Variants in POLK observed in about 807,000 individuals in gnomAD.
POLK encodes the protein polymerase (DNA directed) kappa.
A neutral mutation model predicts 94.0 loss-of-function variants in POLK; 76 were observed. The ratio of observed to expected loss-of-function variants is 0.81; its 90% CI spans 0.67 to 0.98. The LOEUF (loss-of-function observed/expected upper bound fraction) is 0.98, where lower values mean the gene tolerates loss of function less well. POLK is among the 50% of genes least tolerant of loss of function. POLK has a pLI of 0.00. For synonymous variants in POLK, 349 were observed against 325.4 expected (o/e 1.07, Z -0.78); for missense variants, 954 against 1,010.1 (o/e 0.94, Z 0.75).
intron 1 of POLK, among the ~76,000 whole-genome samples, chr5:75,516,662 C>A (rs760756322): frequency 6.6e-6 from 1 of 151,784 alleles, no homozygotes. Context: ...GAGACCCTGT[C>A]TCCAAAAACA....
upstream of POLK, chr5:75,511,292 G>A: frequency 6.4e-7 from 1 of 1,566,616 alleles, no homozygotes; most frequent in East Asian, 2.4e-5. Context: ...GTGAAGGGTC[G>A]GGGGATGGCG....
At chr5:75,589,519 C>T (rs1202054722) in intron 10 of POLK, among the ~76,000 whole-genome samples, 4 of 151,758 alleles carry the variant, frequency 2.6e-5, no homozygotes, top group African/African-American at 7.3e-5. Context: ...GGTGCGATCT[C>T]GGTTCACTGC....
chr5:75,597,204 C>A, intron 13 of POLK, 26 bp downstream of exon 13: 1 of 1,106,732 alleles, frequency 9.0e-7, no homozygotes, highest in South Asian at 1.4e-5. Context: ...TTTTAAACTG[C>A]ATGATTTTCT....
At chr5:75,604,537 G>A (rs911285069), downstream of POLK, among the ~76,000 whole-genome samples, 4 of 152,100 alleles carry the variant, frequency 2.6e-5, no homozygotes, top group African/African-American at 4.8e-5. Context: ...ATGATGCCCA[G>A]CTAAGTTTTT....
At chr5:75,511,018 C>T, upstream of POLK, 1 of 1,420,700 alleles carries the variant, frequency 7.0e-7, no homozygotes, top group Non-Finnish European at 9.2e-7. Flanking sequence ...CGGCACGTTC[C>T]GCGCCTCCCG....
At chr5:75,557,438 T>TA (rs1465957553) in intron 3 of POLK, among the ~76,000 whole-genome samples, 2 of 152,232 alleles carry the variant, frequency 1.3e-5, no homozygotes, top group Non-Finnish European at 2.9e-5. Flanking sequence ...CATTTGATAA[T>TA]AGAGTCTTCC....
intron 1 of POLK, among the ~76,000 whole-genome samples, chr5:75,535,843 C>A (rs567473243): frequency 4.6e-4 from 70 of 152,286 alleles, no homozygotes; most frequent in Middle Eastern, 3.4e-3. Context: ...TGGTCTATTA[C>A]CTCCTGTACT....
intron 1 of POLK, among the ~76,000 whole-genome samples, chr5:75,543,292 G>A (rs1373966598): frequency 6.6e-6 from 1 of 152,006 alleles, no homozygotes; most frequent in African/African-American, 2.4e-5. Context: ...CACCCACCTC[G>A]GCCTCCCAAA....
chr5:75,567,436 A>T (rs1463512324), intron 3 of POLK, among the ~76,000 whole-genome samples: 1 of 152,204 alleles, frequency 6.6e-6, no homozygotes, highest in African/African-American at 2.4e-5. Context: ...AGCATGTTAA[A>T]TTTTGGTAAT....
At chr5:75,594,908 A>G (rs1772984628) in intron 12 of POLK, among the ~76,000 whole-genome samples, 1 of 152,192 alleles carries the variant, frequency 6.6e-6, no homozygotes, top group Non-Finnish European at 1.5e-5. Context: ...CCATAATTTT[A>G]TTTATGAAAG....
intron 1 of POLK, among the ~76,000 whole-genome samples, chr5:75,531,518 G>C (rs1769183161): frequency 6.6e-6 from 1 of 152,106 alleles, no homozygotes; most frequent in Non-Finnish European, 1.5e-5. Flanking sequence ...CTTGAGGCTG[G>C]GTGTGGTGGC....
At chr5:75,538,839 C>T (rs1182405338) in intron 1 of POLK, among the ~76,000 whole-genome samples, 1 of 152,052 alleles carries the variant, frequency 6.6e-6, no homozygotes, top group Non-Finnish European at 1.5e-5. Context: ...GGCGCGACAT[C>T]AGCTCACTGC....
At chr5:75,535,541 T>C (rs1769400216) in intron 1 of POLK, among the ~76,000 whole-genome samples, 1 of 152,152 alleles carries the variant, frequency 6.6e-6, no homozygotes, top group Non-Finnish European at 1.5e-5. Context: ...CTGAAATATG[T>C]TTTCCAAGTT....
intron 1 of POLK, among the ~76,000 whole-genome samples, chr5:75,514,672 A>G (rs749688513): frequency 5.9e-5 from 9 of 152,218 alleles, no homozygotes; most frequent in Non-Finnish European, 1.3e-4. Flanking sequence ...CTTGCAATAC[A>G]TAACTTTTAA....
At chr5:75,596,795 T>C in exon 13 of POLK, 2 of 1,611,552 alleles carry the variant, frequency 1.2e-6, no homozygotes, top group East Asian at 2.2e-5. Context: ...GTAGATTGTA[T>C]AGCTTTAGTA....
rs764048812 is a variant in POLK at position 75,573,870 on chromosome 5, G to A, written c.540+1G>A. On this transcript the variant is annotated splice_donor_variant, in intron 5 of 14. Coordinates refer to ENST00000241436, the Ensembl canonical transcript of POLK. LOFTEE classifies it high-confidence loss of function. ...CAAATACCGAGCTGTGAGTAAAGAG[G>A]TAAGTTAATGTCTCACCCCTACTTT... 6.2e-7 allele frequency: 1 copy of A among 1,612,882 alleles called. No homozygotes were observed. The highest frequency in any genetic ancestry group is 2.2e-5 in the East Asian group (1 of 44,850).
At chr5:75,517,723 A>G (rs556891867) in intron 1 of POLK, among the ~76,000 whole-genome samples, 1 of 152,350 alleles carries the variant, frequency 6.6e-6, no homozygotes, top group East Asian at 1.9e-4. Context: ...TCCAGATCTT[A>G]GAGGAAAGGC....
chr5:75,536,450 T>A (rs1769448114), intron 1 of POLK, among the ~76,000 whole-genome samples: 1 of 152,180 alleles, frequency 6.6e-6, no homozygotes, highest in Non-Finnish European at 1.5e-5. Context: ...CCCATCTGGC[T>A]ACAAGAGGCA....
intron 10 of POLK, among the ~76,000 whole-genome samples, chr5:75,588,913 C>G (rs1772608881): frequency 1.3e-5 from 2 of 152,310 alleles, no homozygotes; most frequent in South Asian, 4.1e-4. Flanking sequence ...TTAATCACCT[C>G]TGCTAAATCC....
Sources: allele counts gnomAD v4.1 joint callset (sites outside exome capture counted in the v4.1 genomes callset), GRCh38; gene constraint gnomAD v4.1.1; transcripts MANE v1.5; gene names NCBI Gene and HGNC (gene_info 2026-07-23, HGNC 2026-07-21).